ARHGAP18: variants seen among roughly 807,000 people sequenced by gnomAD.
ARHGAP18 encodes Rho GTPase activating protein 18.
In ARHGAP18, 67 loss-of-function variants were observed where a neutral mutation model predicts 86.2. The ratio of observed to expected loss-of-function variants is 0.78; its 90% CI spans 0.64 to 0.95. The LOEUF (loss-of-function observed/expected upper bound fraction) is 0.95, where lower values mean the gene tolerates loss of function less well. Among genes scored for constraint, ARHGAP18 ranks in the 40% least tolerant of loss-of-function variants. ARHGAP18 has a pLI of 0.00. For synonymous variants in ARHGAP18, 283 were observed against 280.4 expected (o/e 1.01, Z -0.09); for missense variants, 691 against 780.4 (o/e 0.89, Z 1.37).
chr6:129,669,265 G>A (rs1235128739), intron 1 of ARHGAP18, among the ~76,000 whole-genome samples: 1 of 151,642 alleles, frequency 6.6e-6, no homozygotes, highest in African/African-American at 2.4e-5. Flanking sequence ...TCCGCCTCCC[G>A]GGTTCACGCC....
chr6:129,577,479 C>A lies in ARHGAP18; in HGVS notation c.*1034G>T, dbSNP rs1329756706. ...TGCATTAAAATCCCTGGGAATAGTA[C>A]TTTCAAGAACATTTTAATAAATTGA... On this transcript the variant is annotated 3_prime_UTR_variant, in exon 15 of 15. Coordinates refer to ENST00000368149, the MANE Select transcript of ARHGAP18 (RefSeq NM_033515.3). 2 of 151,936 alleles carry A rather than the reference C, an allele frequency of 1.3e-5. No individual in the cohort carries two copies. The highest frequency in any genetic ancestry group is 2.9e-5 in the Non-Finnish European group (2 of 67,960). The allele number at this position is 151,936 out of a possible 1,614,324, so 9.4% of individuals were successfully genotyped here.
At chr6:129,611,667 A>G in intron 7 of ARHGAP18, 57 bp from the exon 8 acceptor site, 1 of 1,421,570 alleles carries the variant, frequency 7.0e-7, no homozygotes, top group African/African-American at 1.4e-5. Context: ...TACAATTCCG[A>G]ATTTAACATC....
rs1788892632 is a variant in ARHGAP18, at chr6:129,608,059, G to A, written c.1123-7C>T. The A allele has an allele frequency of 9.3e-7, 1 of 1,080,036 alleles. No homozygotes were observed. 66.9% of individuals were successfully genotyped at this position (1,080,036 alleles called of 1,614,324 possible). A position where few individuals can be genotyped will look rare whatever the true frequency, so the allele number is the denominator to read the frequency against. On this transcript the variant is annotated splice_polypyrimidine_tract_variant and splice_region_variant and intron_variant, in intron 8 of 14. Coordinates refer to ENST00000368149, the MANE Select transcript of ARHGAP18 (RefSeq NM_033515.3). ...CTAGTTCTTGGCAAAGATTCTGATAGGCACGAAAAAAAAAAAAAAAAAAAA... is the reference window on the plus strand; with the variant it reads ...CTAGTTCTTGGCAAAGATTCTGATAAGCACGAAAAAAAAAAAAAAAAAAAA...
At chr6:129,625,706 A>G (rs1319260641) in intron 5 of ARHGAP18, among the ~76,000 whole-genome samples, 1 of 62,126 alleles carries the variant, frequency 1.6e-5, no homozygotes, top group East Asian at 6.0e-4. Context: ...ATATTTATAT[A>G]TTATATATTT....
chr6:129,633,528 G>C (rs1326624937), intron 4 of ARHGAP18, among the ~76,000 whole-genome samples: 3 of 151,094 alleles, frequency 2.0e-5, no homozygotes, highest in Non-Finnish European at 2.9e-5. Context: ...ATGAAAAGTA[G>C]AATTATAATC....
chr6:129,658,818 G>A (rs1034306421), intron 1 of ARHGAP18, among the ~76,000 whole-genome samples: 1 of 152,126 alleles, frequency 6.6e-6, no homozygotes, highest in African/African-American at 2.4e-5. Flanking sequence ...CATAAGAATT[G>A]AAAACAACTA....
chr6:129,651,817 C>G (rs1773717151), intron 1 of ARHGAP18, among the ~76,000 whole-genome samples: 1 of 152,194 alleles, frequency 6.6e-6, no homozygotes. Context: ...CTTGCTCTGG[C>G]CTAAATGCTA....
intron 1 of ARHGAP18, among the ~76,000 whole-genome samples, chr6:129,689,175 C>T (rs1395899483): frequency 6.6e-6 from 1 of 152,152 alleles, no homozygotes; most frequent in African/African-American, 2.4e-5. Context: ...AACAAACTTA[C>T]CAGTCTCCAG....
intron 1 of ARHGAP18, among the ~76,000 whole-genome samples, chr6:129,704,047 T>C (rs934455969): frequency 6.6e-6 from 1 of 152,194 alleles, no homozygotes; most frequent in South Asian, 2.1e-4. Flanking sequence ...GTATACTACA[T>C]AGGTTTTTAA....
At chr6:129,601,277 T>C (rs1309203750) in intron 10 of ARHGAP18, among the ~76,000 whole-genome samples, 1 of 152,222 alleles carries the variant, frequency 6.6e-6, no homozygotes, top group Non-Finnish European at 1.5e-5. Flanking sequence ...CTCATTTCTT[T>C]AAGGCAATCA....
chr6:129,623,653 A>T (rs1488297178), intron 5 of ARHGAP18, among the ~76,000 whole-genome samples: 1 of 152,240 alleles, frequency 6.6e-6, no homozygotes, highest in African/African-American at 2.4e-5. Flanking sequence ...CACCTGCCTC[A>T]GAGTAGTGAA....
At position 129,629,456 on chromosome 6, in the gene ARHGAP18, G is replaced by A; in HGVS notation, c.683C>T (p.Thr228Ile). ...IPPEETPAPE[T>I]DINLEVSFAE... The stretch of plus-strand genomic sequence containing the variant: ...AAATGATACCTCCAGGTTGATGTCT[G>A]TTTCAGGGGCAGGCGTCTCCTCAGG... Residue 228 changes from threonine (T) to isoleucine (I), a missense_variant, in exon 5 of 15, where the codon ACA becomes ATA. Physicochemically the swap from Thr to Ile is moderately conservative, Grantham distance 89. Coordinates refer to ENST00000368149, the MANE Select transcript of ARHGAP18 (RefSeq NM_033515.3). The A allele has an allele frequency of 1.2e-6, 2 of 1,613,904 alleles. No homozygotes were observed. Among genetic ancestry groups the A allele is most frequent in the Non-Finnish European group, 1.7e-6 (2 of 1,179,926 alleles).
At chr6:129,706,917 T>A (rs1193111709) in intron 1 of ARHGAP18, among the ~76,000 whole-genome samples, 1 of 143,030 alleles carries the variant, frequency 7.0e-6, no homozygotes, top group Non-Finnish European at 1.5e-5. Flanking sequence ...AGACTTGGTA[T>A]GGCTAGGCTA....
chr6:129,610,180 A>G (rs1437563108), intron 8 of ARHGAP18, among the ~76,000 whole-genome samples: 1 of 152,202 alleles, frequency 6.6e-6, no homozygotes, highest in Non-Finnish European at 1.5e-5. Context: ...AGATAGGGTA[A>G]AAGTTAGTAG....
chr6:129,624,467 T>C (rs1290288151), intron 5 of ARHGAP18, among the ~76,000 whole-genome samples: 1 of 151,736 alleles, frequency 6.6e-6, no homozygotes, highest in Non-Finnish European at 1.5e-5. Flanking sequence ...GAGGTGGAGG[T>C]TGCAGTGAGC....
intron 1 of ARHGAP18, among the ~76,000 whole-genome samples, chr6:129,701,109 T>C (rs182339033): frequency 3.3e-5 from 5 of 152,306 alleles, no homozygotes; most frequent in African/African-American, 1.2e-4. Flanking sequence ...ATGACAACTC[T>C]GGTTAAGTGA....
At chr6:129,676,729 G>A (rs1314929567) in intron 1 of ARHGAP18, among the ~76,000 whole-genome samples, 1 of 151,896 alleles carries the variant, frequency 6.6e-6, no homozygotes, top group Non-Finnish European at 1.5e-5. Flanking sequence ...AGTTAGACAC[G>A]AGCTCCCCAA....
intron 1 of ARHGAP18, among the ~76,000 whole-genome samples, chr6:129,677,107 T>C (rs1774248962): frequency 6.6e-6 from 1 of 151,936 alleles, no homozygotes. Flanking sequence ...AAGTTGCTTA[T>C]GTTGGCCGGG....
chr6:129,678,250 TC>T (rs1455430514), intron 1 of ARHGAP18, among the ~76,000 whole-genome samples: 2 of 152,194 alleles, frequency 1.3e-5, no homozygotes, highest in South Asian at 2.1e-4. Context: ...GAAATAAAAT[TC>T]CCCCTTACAT....
Sources: gnomAD v4.1 joint callset for allele counts (sites outside exome capture counted in the v4.1 genomes callset) on GRCh38, gnomAD v4.1.1 for gene constraint, MANE v1.5 for transcripts, NCBI Gene and HGNC (gene_info 2026-07-23, HGNC 2026-07-21) for gene names.